Variants in MAML2 observed in about 807,000 individuals in gnomAD.
The protein encoded by MAML2 is mastermind like transcriptional coactivator 2, also known as mastermind-like protein 2.
In MAML2, 22 loss-of-function variants were observed where a neutral mutation model predicts 96.1. That is an observed-to-expected ratio of 0.23 (90% CI 0.16 to 0.33). The LOEUF is 0.33. Ranked by LOEUF, MAML2 falls within the 10% of genes least tolerant of loss-of-function variation. The pLI is 1.00. For synonymous variants in MAML2, 561 were observed against 521.3 expected (o/e 1.08, Z -1.04); for missense variants, 1,367 against 1,392.4 (o/e 0.98, Z 0.29).
intron 1 of MAML2, among the ~76,000 whole-genome samples, chr11:96,219,073 G>A (rs919741951): frequency 5.9e-5 from 9 of 152,288 alleles, no homozygotes; most frequent in Non-Finnish European, 7.3e-5. Flanking sequence ...GGCCCCTGGG[G>A]CCATCCGGCT....
At chr11:96,021,540 T>C (rs1858435346) in intron 2 of MAML2, among the ~76,000 whole-genome samples, 1 of 152,118 alleles carries the variant, frequency 6.6e-6, no homozygotes, top group African/African-American at 2.4e-5. Context: ...CTCAAGCCAG[T>C]GAGTTGTGAG....
chr11:95,993,191 T>C (rs919555927), intron 2 of MAML2, among the ~76,000 whole-genome samples: 1 of 142,352 alleles, frequency 7.0e-6, no homozygotes, highest in Non-Finnish European at 1.5e-5. Flanking sequence ...ATTACAGGCA[T>C]GAAGCACTGT....
At chr11:96,012,984 C>T (rs537283252) in intron 2 of MAML2, among the ~76,000 whole-genome samples, 1 of 152,280 alleles carries the variant, frequency 6.6e-6, no homozygotes, top group South Asian at 2.1e-4. Context: ...CTTAGTTGGT[C>T]ATGCAATAGC....
chr11:96,189,816 TA>T (rs1861627132), intron 1 of MAML2, among the ~76,000 whole-genome samples: 3 of 152,254 alleles, frequency 2.0e-5, no homozygotes, highest in African/African-American at 7.2e-5. Context: ...GAAATAGCTT[TA>T]AAAACTGGAA....
chr11:96,149,385 C>T (rs1860881068), intron 1 of MAML2, among the ~76,000 whole-genome samples: 1 of 127,756 alleles, frequency 7.8e-6, no homozygotes, highest in Admixed American at 9.6e-5. Context: ...TCACTGCACT[C>T]CAGCCTGGGT....
At position 96,093,312 on chromosome 11, in the gene MAML2, A is replaced by G; in HGVS notation, c.719T>C (p.Leu240Pro). Residue 240 changes from leucine (L) to proline (P), a missense_variant, in exon 2 of 5, where the codon CTG (leucine) becomes CCG (proline). Physicochemically the swap from Leu to Pro is moderately conservative, Grantham distance 98 (BLOSUM62 -3). Coordinates refer to ENST00000524717, the MANE Select transcript of MAML2 (RefSeq NM_032427.4). ...SGTLPMSQAP[L>P]RKTNTLPSHT... ...GGATGGCAGAGTGTTAGTCTTTCGCAGGGGTGCTTGGCTCATAGGCAAGGT... is the reference window on the plus strand; with the variant it reads ...GGATGGCAGAGTGTTAGTCTTTCGCGGGGGTGCTTGGCTCATAGGCAAGGT... 4 of 1,613,996 alleles carry G rather than the reference A, an allele frequency of 2.5e-6. No homozygotes were observed. Among genetic ancestry groups the G allele is most frequent in the Non-Finnish European group, 3.4e-6 (4 of 1,179,884 alleles).
At chr11:95,991,242 G>A (rs1429270261) in intron 3 of MAML2, among the ~76,000 whole-genome samples, 2 of 152,116 alleles carry the variant, frequency 1.3e-5, no homozygotes, top group Non-Finnish European at 2.9e-5. Flanking sequence ...TCTTTTGCCT[G>A]ATTCAAATGC....
chr11:96,122,527 TGTGC>T (rs1565221732), intron 1 of MAML2, among the ~76,000 whole-genome samples: 2 of 148,900 alleles, frequency 1.3e-5, no homozygotes, highest in African/African-American at 5.0e-5. Flanking sequence ...TGTGTGTGTG[TGTGC>T]ACGTGCACGT....
At position 96,159,407 on chromosome 11, in the gene MAML2, C is replaced by CTTTTTTT. The variant is rs760811590; in HGVS notation, c.514-65897_514-65891dup. Among the ~76,000 whole-genome samples, 457 of 91,104 alleles carry CTTTTTTT rather than the reference C, an allele frequency of 5.0e-3. 80 individuals carry two copies. Among genetic ancestry groups the CTTTTTTT allele is most frequent in the African/African-American group, 0.011 (249 of 22,672 alleles). 59.8% of individuals were successfully genotyped at this position (91,104 alleles called of 152,430 possible). A position where few individuals can be genotyped will look rare whatever the true frequency, so the allele number is the denominator to read the frequency against. Reference sequence around the variant, plus strand: ...TAACCGTGCCTCTAAACCACTGATTCTTTTTTTTTTTTTTTTTTTTTTTGA... The same window carrying CTTTTTTT: ...TAACCGTGCCTCTAAACCACTGATTCTTTTTTTTTTTTTTTTTTTTTTTTTTTTTTGA... On this transcript the variant is annotated intron_variant, in intron 1 of 4. Transcript: ENST00000524717.
At chr11:96,281,753 C>T (rs1298885183) in intron 1 of MAML2, among the ~76,000 whole-genome samples, 1 of 151,838 alleles carries the variant, frequency 6.6e-6, no homozygotes, top group East Asian at 1.9e-4. Flanking sequence ...ACCTGTAATC[C>T]CAGCTACTCA....
At chr11:96,188,297 T>C (rs1483183012) in intron 1 of MAML2, among the ~76,000 whole-genome samples, 2 of 152,208 alleles carry the variant, frequency 1.3e-5, no homozygotes, top group African/African-American at 4.8e-5. Flanking sequence ...CCTTTCTAAT[T>C]TCAGATTTTA....
At chr11:96,053,145 A>T (rs953847853) in intron 2 of MAML2, among the ~76,000 whole-genome samples, 2 of 152,234 alleles carry the variant, frequency 1.3e-5, no homozygotes, top group South Asian at 2.1e-4. Flanking sequence ...TTAATTGTTC[A>T]TGTAACACAG....
At chr11:96,216,767 G>A (rs577427667) in intron 1 of MAML2, among the ~76,000 whole-genome samples, 1 of 152,346 alleles carries the variant, frequency 6.6e-6, no homozygotes, top group South Asian at 2.1e-4. Context: ...CCAACGTAAT[G>A]TGTTTTCTCA....
intron 1 of MAML2, among the ~76,000 whole-genome samples, chr11:96,153,489 G>T (rs535040806): frequency 2.6e-5 from 4 of 152,182 alleles, no homozygotes; most frequent in South Asian, 4.1e-4. Context: ...ATTAATTTTG[G>T]TTTTTTAAAG....
chr11:96,133,217 A>T (rs1051043121), intron 1 of MAML2, among the ~76,000 whole-genome samples: 1 of 152,238 alleles, frequency 6.6e-6, no homozygotes, highest in Non-Finnish European at 1.5e-5. Context: ...CATTAAAAGA[A>T]ATCATTCTAT....
At chr11:96,118,898 T>C (rs1591023901) in intron 1 of MAML2, among the ~76,000 whole-genome samples, 1 of 152,138 alleles carries the variant, frequency 6.6e-6, no homozygotes, top group East Asian at 1.9e-4. Flanking sequence ...ACCTCCCCCT[T>C]TAACCTTTAC....
chr11:96,261,522 T>C (rs1417203378), intron 1 of MAML2, among the ~76,000 whole-genome samples: 1 of 152,224 alleles, frequency 6.6e-6, no homozygotes, highest in Non-Finnish European at 1.5e-5. Flanking sequence ...AGTATATTTA[T>C]GTTTATACAA....
intron 2 of MAML2, among the ~76,000 whole-genome samples, chr11:96,086,484 C>G (rs1565209609): frequency 6.6e-6 from 1 of 151,502 alleles, no homozygotes; most frequent in Non-Finnish European, 1.5e-5. Flanking sequence ...CCATTTTAAT[C>G]TGGGAACAGA....
At chr11:96,312,482 A>G (rs769302232) in intron 1 of MAML2, among the ~76,000 whole-genome samples, 2 of 152,338 alleles carry the variant, frequency 1.3e-5, no homozygotes, top group Admixed American at 6.5e-5. Flanking sequence ...CTGAATGGAC[A>G]GTAGGAAGCC....
Sources: allele counts gnomAD v4.1 joint callset (sites outside exome capture counted in the v4.1 genomes callset), GRCh38; gene constraint gnomAD v4.1.1; transcripts MANE v1.5; gene names NCBI Gene and HGNC (gene_info 2026-07-23, HGNC 2026-07-21).